KIAA1217: variants seen among roughly 807,000 people sequenced by gnomAD.
KIAA1217 encodes KIAA1217.
A neutral mutation model predicts 163.9 loss-of-function variants in KIAA1217; 88 were observed. The ratio of observed to expected loss-of-function variants is 0.54; its 90% confidence interval spans 0.45 to 0.64. The LOEUF (loss-of-function observed/expected upper bound fraction) is 0.64, where lower values mean the gene tolerates loss of function less well. Among genes scored for constraint, KIAA1217 ranks in the 30% least tolerant of loss-of-function variants. KIAA1217 has a pLI of 0.00. For missense variants in KIAA1217, 2,372 were observed against 2,475.0 expected, an observed-to-expected ratio of 0.96 and a Z score of 0.88; for synonymous variants, 903 against 923.1, an observed-to-expected ratio of 0.98 and a Z score of 0.39.
chr10:24,543,935 A>G lies in KIAA1217; in HGVS notation c.4665A>G (p.Glu1555=), dbSNP rs375081896. The change falls in exon 19 of 21, where the codon GAA becomes GAG. Residue 1555 remains glutamate (E), a synonymous_variant. Coordinates refer to ENST00000376454, the MANE Select transcript of KIAA1217 (RefSeq NM_019590.5). ...KFSHVDSPNS[E]CKGEDATDDQ... ...GCCACGTGGATTCTCCAAATTCGGA[A>G]TGCAAGGGTGAGGACGCGACCGATG... 23 of 1,614,012 alleles carry G rather than the reference A, an allele frequency of 1.4e-5. No homozygotes were observed. The highest frequency in any genetic ancestry group is 1.9e-5 in the Non-Finnish European group (23 of 1,180,044).
At chr10:24,352,368 A>C (rs1336451529) in intron 2 of KIAA1217, among the ~76,000 whole-genome samples, 5 of 152,206 alleles carry the variant, frequency 3.3e-5, no homozygotes, top group Non-Finnish European at 7.3e-5. Context: ...ATGTGCAATT[A>C]ATTGCAAAGT....
intron 1 of KIAA1217, among the ~76,000 whole-genome samples, chr10:23,898,113 T>C (rs1841784902): frequency 6.6e-6 from 1 of 151,958 alleles, no homozygotes; most frequent in Non-Finnish European, 1.5e-5. Context: ...CAGTGGCTAC[T>C]CATATTTTAC....
At chr10:24,440,947 G>T (rs1011435423) in intron 5 of KIAA1217, among the ~76,000 whole-genome samples, 1 of 152,208 alleles carries the variant, frequency 6.6e-6, no homozygotes, top group Non-Finnish European at 1.5e-5. Flanking sequence ...GGCTCTGCAG[G>T]TTGGAATTCT....
At chr10:24,308,845 G>A (rs2042296059) in intron 2 of KIAA1217, among the ~76,000 whole-genome samples, 2 of 152,202 alleles carry the variant, frequency 1.3e-5, no homozygotes, top group South Asian at 4.1e-4. Context: ...ATTGGTGGCT[G>A]GGCACAGTGG....
intron 2 of KIAA1217, among the ~76,000 whole-genome samples, chr10:24,065,749 G>A (rs1225646219): frequency 1.3e-5 from 2 of 152,104 alleles, no homozygotes; most frequent in Admixed American, 6.5e-5. Flanking sequence ...GGGTGTTAAA[G>A]TCTCCCATTA....
intron 1 of KIAA1217, among the ~76,000 whole-genome samples, chr10:23,833,130 A>G (rs1235627560): frequency 2.6e-5 from 4 of 152,186 alleles, no homozygotes; most frequent in Admixed American, 6.6e-5. Flanking sequence ...AGACTCCAGT[A>G]TATCTGTAAA....
chr10:24,396,983 G>A (rs1036504785), intron 3 of KIAA1217, among the ~76,000 whole-genome samples: 2 of 152,186 alleles, frequency 1.3e-5, no homozygotes, highest in African/African-American at 2.4e-5. Flanking sequence ...AGGAAGATGG[G>A]AGTGTTAGCA....
At position 24,531,819 on chromosome 10, in the gene KIAA1217, C is replaced by T. The variant is rs1163044513; in HGVS notation, c.3083-11C>T. The T allele has an allele frequency of 6.3e-7, 1 of 1,580,208 alleles. No homozygotes were observed. The highest frequency in any genetic ancestry group is 8.6e-7 in the Non-Finnish European group (1 of 1,160,076). ...AAAAGATTATTCTTGTAATGGTGCA[C>T]TGTTTTCCAGAAGATTCTCCAAATT... On this transcript the variant is annotated splice_polypyrimidine_tract_variant and intron_variant, in intron 14 of 20. Transcript: ENST00000376454.
At chr10:23,818,287 A>T (rs889246107) in intron 1 of KIAA1217, among the ~76,000 whole-genome samples, 4 of 142,666 alleles carry the variant, frequency 2.8e-5, no homozygotes, top group African/African-American at 1.0e-4. Context: ...TTATATATTT[A>T]TATGTTATAT....
chr10:23,736,215 A>C (rs536581225), intron 1 of KIAA1217, among the ~76,000 whole-genome samples: 1 of 152,310 alleles, frequency 6.6e-6, no homozygotes, highest in East Asian at 1.9e-4. Context: ...ATTCTCCTGT[A>C]TGTTTAAATT....
intron 2 of KIAA1217, among the ~76,000 whole-genome samples, chr10:24,233,352 T>TC (rs2131138421): frequency 6.6e-6 from 1 of 152,248 alleles, no homozygotes; most frequent in African/African-American, 2.4e-5. Flanking sequence ...AGAGCATTCA[T>TC]CCCATTCATG....
chr10:24,522,249 A>T (rs145303137), intron 12 of KIAA1217, among the ~76,000 whole-genome samples: 6,377 of 152,254 alleles, frequency 0.042, 181 homozygotes, highest in South Asian at 0.072. Context: ...CCTTGAGCCC[A>T]GGAGTATGAG....
chr10:24,326,942 C>G (rs2044998470), intron 2 of KIAA1217, among the ~76,000 whole-genome samples: 1 of 152,104 alleles, frequency 6.6e-6, no homozygotes, highest in Non-Finnish European at 1.5e-5. Context: ...AAATTGTTGT[C>G]TACATTGAGA....
At chr10:24,236,510 C>A (rs1016124746) in intron 2 of KIAA1217, among the ~76,000 whole-genome samples, 2 of 152,132 alleles carry the variant, frequency 1.3e-5, no homozygotes, top group Non-Finnish European at 2.9e-5. Flanking sequence ...TCCCAAAGTG[C>A]TTGGATTATA....
intron 1 of KIAA1217, among the ~76,000 whole-genome samples, chr10:23,845,871 T>A (rs1475318770): frequency 6.6e-6 from 1 of 152,130 alleles, no homozygotes. Flanking sequence ...TTAGGTCTTA[T>A]GCTTAAGTCC....
chr10:24,449,666 A>G, intron 5 of KIAA1217: 1 of 985,442 alleles, frequency 1.0e-6, no homozygotes, highest in Non-Finnish European at 1.2e-6. Context: ...CACCATGAAG[A>G]CAGGCAAAGC....
At chr10:23,910,743 A>G (rs3935858) in intron 1 of KIAA1217, among the ~76,000 whole-genome samples, 60,828 of 152,068 alleles carry the variant, frequency 0.4, 13,970 homozygotes, top group African/African-American at 0.64. Context: ...ACAGCCGCAG[A>G]CCTGAGGGCT....
chr10:23,778,380 A>G (rs78033941), intron 1 of KIAA1217, among the ~76,000 whole-genome samples: 1,574 of 152,326 alleles, frequency 0.01, 47 homozygotes, highest in African/African-American at 0.031. Context: ...ATAGAGAAAA[A>G]TGTAATAGAC....
chr10:24,440,526 T>C (rs1311444908), intron 5 of KIAA1217, among the ~76,000 whole-genome samples: 1 of 152,184 alleles, frequency 6.6e-6, no homozygotes, highest in Non-Finnish European at 1.5e-5. Context: ...GCAGCTCTGG[T>C]ACCTACGTAA....
Sources: gnomAD v4.1 joint callset for allele counts (sites outside exome capture counted in the v4.1 genomes callset) on GRCh38, gnomAD v4.1.1 for gene constraint, MANE v1.5 for transcripts, NCBI Gene and HGNC (gene_info 2026-07-23, HGNC 2026-07-21) for gene names.